The following CELF2 variants were observed in gnomAD, a reference collection of about 807,000 sequenced individuals.
The protein encoded by CELF2 is CUGBP Elav-like family member 2.
In CELF2, 8 loss-of-function variants were observed where a neutral mutation model predicts 62.6. The observed-to-expected ratio is 0.13, with a 90% CI of 0.07 to 0.23. CELF2 has a LOEUF of 0.23. Among genes scored for constraint, CELF2 ranks in the 10% least tolerant of loss-of-function variants. CELF2 has a pLI of 1.00. For missense variants in CELF2, 333 were observed against 671.0 expected (o/e 0.50, Z 5.56); for synonymous variants, 258 against 250.0 (o/e 1.03, Z -0.30).
the CELF2 span, among the ~76,000 whole-genome samples, chr10:10,635,830 G>A: frequency 6.6e-6 from 1 of 152,190 alleles, no homozygotes; most frequent in Non-Finnish European, 1.5e-5. Context: ...CATTATTAAA[G>A]AGACACTGTT....
At chr10:10,614,595 C>A in the CELF2 span, among the ~76,000 whole-genome samples, 1 of 152,104 alleles carries the variant, frequency 6.6e-6, no homozygotes, top group Non-Finnish European at 1.5e-5. Context: ...AGGAACTCGG[C>A]AAGAGAGAAT....
chr10:10,880,368 A>G (rs1220457373), intron 1 of CELF2, among the ~76,000 whole-genome samples: 2 of 152,162 alleles, frequency 1.3e-5, no homozygotes, highest in African/African-American at 2.4e-5. Context: ...TAAATGTACC[A>G]TGATTTGGAG....
rs1043294019 is a variant in CELF2, at chr10:11,244,969, G to T, written c.355-4184G>T. On this transcript the variant is annotated intron_variant, in intron 3 of 12. Coordinates refer to ENST00000633077, the MANE Select transcript of CELF2 (RefSeq NM_001326342.2). This position sits in a 1 kb window ranked among gnomAD's most constrained non-coding sequence, Gnocchi z 4.2. ...CTTACCACGTCTCTTATCACGCTGT[G>T]GGAAATGCTTGCTGTATCTGTCTCT... is the stretch of plus-strand genomic sequence containing the variant. 6.6e-6 allele frequency among the ~76,000 whole-genome samples: 1 copy of T among 152,104 alleles called. No homozygotes were observed. The highest frequency in any genetic ancestry group is 2.4e-5 in the African/African-American group (1 of 41,414).
At chr10:11,189,706 T>C (rs1465910080) in intron 2 of CELF2, among the ~76,000 whole-genome samples, 1 of 152,220 alleles carries the variant, frequency 6.6e-6, no homozygotes, top group Admixed American at 6.5e-5. Context: ...GGACTGTCCA[T>C]CTAGGCCAGA....
intron 2 of CELF2, among the ~76,000 whole-genome samples, chr10:10,948,003 A>G (rs1287489684): frequency 6.6e-6 from 1 of 152,216 alleles, no homozygotes; most frequent in African/African-American, 2.4e-5. Context: ...GTTTGGACAC[A>G]CTGTGTGGGT....
At chr10:11,166,115 TG>T (rs1332427481) in intron 2 of CELF2, among the ~76,000 whole-genome samples, 2 of 152,230 alleles carry the variant, frequency 1.3e-5, no homozygotes, top group Non-Finnish European at 2.9e-5. Context: ...CCATAGCCTG[TG>T]GGGACCTCTA....
chr10:10,668,682 G>C, the CELF2 span, among the ~76,000 whole-genome samples: 1 of 152,310 alleles, frequency 6.6e-6, no homozygotes, highest in South Asian at 2.1e-4. Flanking sequence ...TATAGGCCAA[G>C]CACAGTGGCT....
intron 5 of CELF2, among the ~76,000 whole-genome samples, chr10:11,258,272 A>G (rs941959055): frequency 6.6e-6 from 1 of 152,216 alleles, no homozygotes; most frequent in Admixed American, 6.5e-5. Flanking sequence ...TGTTAAGAGT[A>G]TGTTAAGAGT....
At chr10:11,022,875 A>G (rs2058560942) in intron 1 of CELF2, among the ~76,000 whole-genome samples, 1 of 152,252 alleles carries the variant, frequency 6.6e-6, no homozygotes, top group Non-Finnish European at 1.5e-5. Flanking sequence ...ACCGACAAAA[A>G]TGAAAACAAA....
chr10:10,973,234 C>T (rs1425519129), intron 2 of CELF2, among the ~76,000 whole-genome samples: 1 of 151,796 alleles, frequency 6.6e-6, no homozygotes, highest in Admixed American at 6.6e-5. Context: ...TGAGCCGAGA[C>T]CACACCACTG....
chr10:11,232,811 A>G (rs2069307558), intron 3 of CELF2, among the ~76,000 whole-genome samples: 1 of 152,220 alleles, frequency 6.6e-6, no homozygotes, highest in African/African-American at 2.4e-5. Flanking sequence ...ATGGCAGAGC[A>G]TGCTGCATAT....
At chr10:11,132,966 A>G (rs920463895) in intron 1 of CELF2, among the ~76,000 whole-genome samples, 5 of 152,200 alleles carry the variant, frequency 3.3e-5, no homozygotes, top group East Asian at 1.9e-4. Context: ...AAGCTACACT[A>G]ATATGAGCAG....
chr10:11,209,636 G>GTT (rs200006207), intron 2 of CELF2, among the ~76,000 whole-genome samples: 2 of 148,368 alleles, frequency 1.3e-5, no homozygotes, highest in African/African-American at 5.0e-5. Flanking sequence ...TTTTTGATGG[G>GTT]TTTTTTTTTA....
the CELF2 span, among the ~76,000 whole-genome samples, chr10:10,631,866 C>A: frequency 6.6e-6 from 1 of 152,150 alleles, no homozygotes; most frequent in East Asian, 1.9e-4. Flanking sequence ...GCAGGGAGGG[C>A]AATTTACAAG....
the CELF2 span, among the ~76,000 whole-genome samples, chr10:10,763,173 G>A: frequency 6.6e-6 from 1 of 152,162 alleles, no homozygotes; most frequent in Non-Finnish European, 1.5e-5. Context: ...GAGATAATGT[G>A]TGTGAAAAGA....
chr10:10,789,714 G>C, the CELF2 span, among the ~76,000 whole-genome samples: 1 of 152,034 alleles, frequency 6.6e-6, no homozygotes, highest in African/African-American at 2.4e-5. Context: ...GATTCTTACA[G>C]AGATAGTTTT....
chr10:10,845,613 G>A (rs1340232306), intron 1 of CELF2, among the ~76,000 whole-genome samples: 3 of 152,112 alleles, frequency 2.0e-5, no homozygotes, highest in Non-Finnish European at 4.4e-5. Context: ...ATCTGGTTAG[G>A]ATAATCAGCT....
At chr10:11,167,856 G>A (rs2067687328) in intron 2 of CELF2, among the ~76,000 whole-genome samples, 1 of 152,170 alleles carries the variant, frequency 6.6e-6, no homozygotes, top group South Asian at 2.1e-4. Context: ...GGTGGTGGTA[G>A]TCACATTTTA....
the CELF2 span, among the ~76,000 whole-genome samples, chr10:10,682,280 G>A: frequency 0.016 from 2,414 of 152,246 alleles, 29 homozygotes; most frequent in African/African-American, 0.035. Context: ...ACTGTAGGTC[G>A]GTGAGCACAA....
Sources: allele counts gnomAD v4.1 joint callset (sites outside exome capture counted in the v4.1 genomes callset), GRCh38; gene constraint gnomAD v4.1.1; non-coding constraint Gnocchi (gnomAD v3.1); transcripts MANE v1.5; gene names NCBI Gene and HGNC (gene_info 2026-07-23, HGNC 2026-07-21).